WIPI2: variants seen among roughly 807,000 people sequenced by gnomAD.
WIPI2 encodes the protein WD repeat domain, phosphoinositide interacting 2.
In WIPI2, 28 loss-of-function variants were observed where a neutral mutation model predicts 52.3. The observed-to-expected ratio is 0.54, with a 90% CI of 0.40 to 0.73. WIPI2 has a LOEUF of 0.73. WIPI2 is among the 30% of genes least tolerant of loss of function. The probability of loss-of-function intolerance (pLI) is 0.00; values close to 1 mark genes in which losing one functional copy is unlikely to be tolerated. For missense variants in WIPI2, 506 were observed against 602.9 expected, an observed-to-expected ratio of 0.84 and a Z score of 1.68; for synonymous variants, 268 against 245.0, an observed-to-expected ratio of 1.09 and a Z score of -0.88.
At chr7:5,190,531 C>T (rs1015146210) in intron 1 of WIPI2, 38 bp downstream of exon 1, 4 of 1,457,054 alleles carry the variant, frequency 2.7e-6, no homozygotes, top group Non-Finnish European at 2.7e-6. Context: ...GGGGTGAGGC[C>T]AGGGTCGGAC....
At chr7:5,223,133 G>T (rs1476415335) in intron 8 of WIPI2, among the ~76,000 whole-genome samples, 1 of 152,182 alleles carries the variant, frequency 6.6e-6, no homozygotes, top group African/African-American at 2.4e-5. Context: ...CTCCCTCCAG[G>T]CTGCAAAGCT....
chr7:5,210,342 T>G (rs1252751928), intron 3 of WIPI2, among the ~76,000 whole-genome samples: 1 of 152,256 alleles, frequency 6.6e-6, no homozygotes, highest in Non-Finnish European at 1.5e-5. Flanking sequence ...GTTCCCAGAC[T>G]CAGGGGACGT....
chr7:5,222,753 A>G, intron 8 of WIPI2, 81 bp downstream of exon 8: 1 of 1,388,474 alleles, frequency 7.2e-7, no homozygotes, highest in Non-Finnish European at 1.0e-6. Context: ...ACAAACAAGT[A>G]GAACCCCCAG....
rs1254712451 is a variant in WIPI2 at position 5,229,655 on chromosome 7, C to G, written c.1169C>G (p.Ser390Cys). Reference protein sequence around the residue: ...ETTNEILDSASHDCPLVTQTY... With the variant: ...ETTNEILDSACHDCPLVTQTY... ...ACCAATGAGATCTTGGACTCTGCCT[C>G]TCACGACTGCCCCTTAGTCACTCAG... The change falls in exon 12 of 13, where the codon TCT (serine) becomes TGT (cysteine). Residue 390 changes from serine (S) to cysteine (C), a missense_variant. By Grantham distance (112) the Ser-to-Cys change is moderately radical (BLOSUM62 -1). Coordinates refer to ENST00000288828, the MANE Select transcript of WIPI2 (RefSeq NM_015610.4). The G allele has an allele frequency of 6.2e-7, 1 of 1,614,036 alleles. No homozygotes were observed. Among genetic ancestry groups the G allele is most frequent in the South Asian group, 1.1e-5 (1 of 91,052 alleles).
intron 3 of WIPI2, among the ~76,000 whole-genome samples, chr7:5,207,607 T>C (rs1011551904): frequency 6.6e-6 from 1 of 152,102 alleles, no homozygotes; most frequent in Non-Finnish European, 1.5e-5. Flanking sequence ...AGTCTTTTAA[T>C]GGACAGATAT....
At chr7:5,198,907 T>C (rs1562386008) in intron 2 of WIPI2, among the ~76,000 whole-genome samples, 1 of 152,232 alleles carries the variant, frequency 6.6e-6, no homozygotes, top group Non-Finnish European at 1.5e-5. Context: ...CTCAAATAGT[T>C]ACCTTTTTGT....
chr7:5,197,301 G>C (rs556996035), intron 2 of WIPI2, among the ~76,000 whole-genome samples: 1 of 152,120 alleles, frequency 6.6e-6, no homozygotes, highest in Non-Finnish European at 1.5e-5. Context: ...AAATGGGAGT[G>C]GGGGAGTCCT....
intron 7 of WIPI2, among the ~76,000 whole-genome samples, chr7:5,221,469 C>A (rs1349715034): frequency 6.6e-6 from 1 of 152,204 alleles, no homozygotes; most frequent in African/African-American, 2.4e-5. Flanking sequence ...TCCTGCCCTG[C>A]AAATTTGGAA....
chr7:5,200,375 A>G (rs1396577540), intron 3 of WIPI2, among the ~76,000 whole-genome samples: 1 of 152,144 alleles, frequency 6.6e-6, no homozygotes, highest in African/African-American at 2.4e-5. Flanking sequence ...ATGGATTCAC[A>G]TGTAGTTGCA....
chr7:5,202,540 C>T (rs978271627), intron 3 of WIPI2, among the ~76,000 whole-genome samples: 2 of 152,056 alleles, frequency 1.3e-5, no homozygotes, highest in Admixed American at 6.6e-5. Flanking sequence ...CATGCCACTA[C>T]ACCTGGCTGA....
intron 7 of WIPI2, chr7:5,218,276 G>A (rs1782923649): frequency 2.5e-6 from 1 of 397,196 alleles, no homozygotes; most frequent in Non-Finnish European, 4.7e-6. Context: ...AGTGCCGTGT[G>A]TAACCACACC....
intron 8 of WIPI2, among the ~76,000 whole-genome samples, chr7:5,224,266 T>A (rs1240135269): frequency 6.6e-6 from 1 of 152,226 alleles, no homozygotes; most frequent in Admixed American, 6.5e-5. Flanking sequence ...TCTGTAACCC[T>A]GGGAGTCCAA....
In WIPI2 at chr7:5,230,823, G is replaced by C; in HGVS notation, c.1253-12G>C. 2 of 1,608,184 alleles carry C rather than the reference G, an allele frequency of 1.2e-6. No homozygotes were observed. The highest frequency in any genetic ancestry group is 1.7e-6 in the Non-Finnish European group (2 of 1,176,876). On this transcript the variant is annotated splice_polypyrimidine_tract_variant and intron_variant, in intron 12 of 12. Transcript: ENST00000288828. The surrounding 1 kb of genome is among the most constrained non-coding windows in gnomAD (Gnocchi z 4.8). The stretch of plus-strand genomic sequence containing the variant: ...CCAGCCTTTGAAGGGTGACTTCGTC[G>C]TCTCTTTGCAGCCTACACAGACGAC...
chr7:5,228,066 C>T, intron 10 of WIPI2, 38 bp from the exon 11 acceptor site: 10 of 1,598,012 alleles, frequency 6.3e-6, no homozygotes, highest in Non-Finnish European at 8.6e-6. Context: ...GTTTCTGTGA[C>T]AGTTGTCTAG....
intron 2 of WIPI2, among the ~76,000 whole-genome samples, chr7:5,194,974 C>T (rs1021791102): frequency 3.9e-5 from 6 of 151,948 alleles, no homozygotes; most frequent in African/African-American, 1.5e-4. Flanking sequence ...GCTTGTGGGG[C>T]CGTGAAATGA....
intron 4 of WIPI2, among the ~76,000 whole-genome samples, chr7:5,215,055 A>G (rs1782746227): frequency 6.6e-6 from 1 of 152,232 alleles, no homozygotes; most frequent in South Asian, 2.1e-4. Context: ...TCACGCCTGT[A>G]ATCCCCACAC....
chr7:5,221,043 A>C (rs1385631199), intron 7 of WIPI2, among the ~76,000 whole-genome samples: 1 of 147,780 alleles, frequency 6.8e-6, no homozygotes, highest in Non-Finnish European at 1.5e-5. Flanking sequence ...GGCTCACTGC[A>C]ACCTCCGCCT....
chr7:5,232,246 C>T lies in WIPI2; in HGVS notation c.*1299C>T, dbSNP rs939575020. The T allele has an allele frequency of 2.5e-5, 10 of 398,510 alleles. No homozygotes were observed. The highest frequency in any genetic ancestry group is 2.5e-4 in the South Asian group (2 of 7,860). 24.7% of individuals were successfully genotyped at this position (398,510 alleles called of 1,614,324 possible). ...CCTTTGCAGGCTGGGGTTTTTGAAC[C>T]GAGGAAGGCTGGGACGCCTGTTTCC... On this transcript the variant is annotated 3_prime_UTR_variant, in exon 13 of 13. Transcript: ENST00000288828.
chr7:5,208,930 G>A (rs370190250), intron 3 of WIPI2, among the ~76,000 whole-genome samples: 3 of 151,208 alleles, frequency 2.0e-5, no homozygotes, highest in Admixed American at 2.0e-4. Context: ...GGGTTGATAC[G>A]TTAATAATAT....
Sources: allele counts gnomAD v4.1 joint callset (sites outside exome capture counted in the v4.1 genomes callset), GRCh38; gene constraint gnomAD v4.1.1; non-coding constraint Gnocchi (gnomAD v3.1); transcripts MANE v1.5; gene names NCBI Gene and HGNC (gene_info 2026-07-23, HGNC 2026-07-21).